SRCAP: variants seen among roughly 807,000 people sequenced by gnomAD.
SRCAP encodes the protein chromatin remodeling protein SRCAP.
SRCAP carries 46 observed loss-of-function variants against 263.1 expected under a neutral mutation model. The ratio of observed to expected loss-of-function variants is 0.17; its 90% CI spans 0.14 to 0.22. SRCAP has a LOEUF of 0.22. SRCAP is among the 10% of genes least tolerant of loss of function. The pLI, the probability that SRCAP is intolerant of heterozygous loss-of-function variation, is 1.00. For missense variants in SRCAP, 3,695 were observed against 4,181.9 expected, an observed-to-expected ratio of 0.88 and a Z score of 3.21; for synonymous variants, 1,813 against 1,662.1, an observed-to-expected ratio of 1.09 and a Z score of -2.21.
chr16:30,730,338 C>CGCTTAAACCACAAGAGGATTT (rs11268096), intron 27 of SRCAP, among the ~76,000 whole-genome samples: 15 of 152,158 alleles, frequency 9.9e-5, no homozygotes, highest in Non-Finnish European at 2.9e-5. Context: ...AACTAACAGT[C>CGCTTAAACCACAAGAGGATTT]ATTGTTTTCT....
intron 6 of SRCAP, among the ~76,000 whole-genome samples, chr16:30,708,894 C>G (rs2052856556): frequency 6.6e-6 from 1 of 152,272 alleles, no homozygotes; most frequent in African/African-American, 2.4e-5. Context: ...TCTGGGCTTA[C>G]TGCAACCTCT....
chr16:30,702,639 C>T (rs1290191704), intron 3 of SRCAP, among the ~76,000 whole-genome samples: 2 of 134,796 alleles, frequency 1.5e-5, no homozygotes, highest in East Asian at 2.4e-4. Flanking sequence ...TTCCTTCCTT[C>T]TCTCCCTCCT....
At chr16:30,730,718 C>T (rs966768050) in intron 27 of SRCAP, among the ~76,000 whole-genome samples, 16 of 148,260 alleles carry the variant, frequency 1.1e-4, no homozygotes, top group African/African-American at 2.0e-4. Context: ...GTGTGAACCA[C>T]TGCGCCCAGC....
chr16:30,717,902 C>T (rs1218212243), intron 18 of SRCAP, among the ~76,000 whole-genome samples: 2 of 150,290 alleles, frequency 1.3e-5, no homozygotes, highest in Non-Finnish European at 1.5e-5. Context: ...CCACTGCACC[C>T]GGCCCTGCTG....
At chr16:30,710,349 C>T (rs1277066194) in intron 8 of SRCAP, among the ~76,000 whole-genome samples, 1 of 152,106 alleles carries the variant, frequency 6.6e-6, no homozygotes, top group Non-Finnish European at 1.5e-5. Flanking sequence ...ATTGCACTTT[C>T]CTCTTTAAAT....
intron 3 of SRCAP, among the ~76,000 whole-genome samples, chr16:30,703,618 C>T (rs919036958): frequency 6.6e-6 from 1 of 150,436 alleles, no homozygotes; most frequent in South Asian, 2.2e-4. Flanking sequence ...ATCCCAAGGC[C>T]GGGCGTGGTG....
In SRCAP at chr16:30,740,663, T is replaced by A. The variant is rs1419359535; in HGVS notation, c.*930T>A. On this transcript the variant is annotated 3_prime_UTR_variant, in exon 34 of 34. Transcript: ENST00000262518. ...ATCACCACCCAAGCCAAACCAAAGC[T>A]GAGGCAGGAGCCGAAACTCAGAGTC... 4 of 152,256 alleles carry A rather than the reference T, an allele frequency of 2.6e-5. No individual in the cohort carries two copies. The highest frequency in any genetic ancestry group is 5.9e-5 in the Non-Finnish European group (4 of 68,074). 9.4% of individuals were successfully genotyped at this position (152,256 alleles called of 1,614,324 possible). A position where few individuals can be genotyped will look rare whatever the true frequency, so the allele number is the denominator to read the frequency against.
chr16:30,712,577 A>G (rs2151288782), intron 13 of SRCAP, 102 bp from the exon 14 acceptor site: 3 of 1,557,440 alleles, frequency 1.9e-6, no homozygotes, highest in South Asian at 2.4e-5. Flanking sequence ...TGTAGGTGCT[A>G]GGATTCCTAG....
chr16:30,731,605 C>CT (rs1196867299), intron 27 of SRCAP, among the ~76,000 whole-genome samples: 15 of 152,236 alleles, frequency 9.9e-5, no homozygotes, highest in African/African-American at 3.6e-4. Flanking sequence ...GTGACTCATA[C>CT]TTGTAATCCC....
intron 16 of SRCAP, among the ~76,000 whole-genome samples, chr16:30,715,747 TCTC>T (rs1205738518): frequency 2.0e-5 from 3 of 152,224 alleles, no homozygotes; most frequent in African/African-American, 4.8e-5. Context: ...CAGTTTTTAT[TCTC>T]CTCATCTTCT....
intron 31 of SRCAP, 79 bp downstream of exon 31, chr16:30,734,694 G>T: frequency 6.3e-7 from 1 of 1,589,890 alleles, no homozygotes; most frequent in South Asian, 1.1e-5. Flanking sequence ...TGTTGAGCTT[G>T]TCCAGGGGAA....
intron 8 of SRCAP, among the ~76,000 whole-genome samples, chr16:30,710,337 G>T (rs1400344072): frequency 6.6e-6 from 1 of 152,202 alleles, no homozygotes; most frequent in East Asian, 1.9e-4. Context: ...GTGGAAGAGC[G>T]TATTGCACTT....
chr16:30,711,435 A>G (rs2052889920), intron 10 of SRCAP, 136 bp from the exon 11 acceptor site: 2 of 863,172 alleles, frequency 2.3e-6, no homozygotes, highest in Non-Finnish European at 1.7e-6. Flanking sequence ...TGATGCTGAA[A>G]GTAAGCTCTT....
Position 30,734,584 on chromosome 16 carries a change from T to C in SRCAP, c.6698T>C (p.Val2233Ala). ...PSAPEEEEET[V>A]ASKQTHILEQ... ...GCCCCTGAAGAGGAGGAAGAGACTG[T>C]GGCCAGCAAGCAGACTCATATTCTG... Residue 2233 changes from valine (V) to alanine (A), a missense_variant, in exon 31 of 34, where the codon GTG (valine) becomes GCG (alanine). Transcript: ENST00000262518. 6.2e-7 allele frequency: 1 copy of C among 1,613,992 alleles called. No individual in the cohort carries two copies. Among genetic ancestry groups the C allele is most frequent in the African/African-American group, 1.3e-5 (1 of 74,980 alleles).
intron 18 of SRCAP, 49 bp from the exon 19 acceptor site, chr16:30,720,113 G>A (rs1356388725): frequency 6.3e-7 from 1 of 1,575,882 alleles, no homozygotes; most frequent in Non-Finnish European, 8.7e-7. Context: ...GCGTTGCAAA[G>A]GATGTGATTT....
rs2052868499 is a variant in SRCAP, at chr16:30,709,836, G to A, written c.857-15G>A. On this transcript the variant is annotated splice_polypyrimidine_tract_variant and intron_variant, in intron 7 of 33. Coordinates refer to ENST00000262518, the MANE Select transcript of SRCAP (RefSeq NM_006662.3). ...CAGGGCCCGTGGACTTTGTGACCTT[G>A]TTCTCCTGCTATAGATGGGGACTTT... The A allele has an allele frequency of 3.7e-6, 6 of 1,613,742 alleles. No homozygotes were observed. The highest frequency in any genetic ancestry group is 3.3e-4 in the Middle Eastern group (2 of 6,060).
chr16:30,728,241 AGT>A (rs1258128202), intron 25 of SRCAP, among the ~76,000 whole-genome samples: 2 of 152,148 alleles, frequency 1.3e-5, no homozygotes, highest in African/African-American at 4.8e-5. Context: ...CTAGTTACTG[AGT>A]GATTATAGTG....
intron 1 of SRCAP, among the ~76,000 whole-genome samples, 163 bp from the exon 2 acceptor site, chr16:30,699,745 T>C (rs368813422): frequency 5.3e-5 from 8 of 152,326 alleles, no homozygotes; most frequent in African/African-American, 1.9e-4. Flanking sequence ...CCAGGCAGGA[T>C]CGTATGTCCC....
At chr16:30,711,133 C>A (rs368508252) in intron 10 of SRCAP, 45 bp downstream of exon 10, 2 of 1,457,640 alleles carry the variant, frequency 1.4e-6, no homozygotes, top group Non-Finnish European at 1.9e-6. Flanking sequence ...TTGGTGTCTG[C>A]GGTGTGCAGT....
Sources: allele counts gnomAD v4.1 joint callset (sites outside exome capture counted in the v4.1 genomes callset), GRCh38; gene constraint gnomAD v4.1.1; transcripts MANE v1.5; gene names NCBI Gene and HGNC (gene_info 2026-07-23, HGNC 2026-07-21).